IQGAP2: variants seen among roughly 807,000 people sequenced by gnomAD.
IQGAP2 encodes the protein IQ motif containing GTPase activating protein 2.
Under a neutral mutation model 201.3 loss-of-function variants are expected in IQGAP2, and 173 were observed. The observed-to-expected ratio is 0.86, with a 90% CI of 0.76 to 0.98. The LOEUF (loss-of-function observed/expected upper bound fraction) is 0.98, where lower values mean the gene tolerates loss of function less well. Among genes scored for constraint, IQGAP2 ranks in the 50% least tolerant of loss-of-function variants. IQGAP2 has a pLI of 0.00. For synonymous variants in IQGAP2, 675 were observed against 673.9 expected (o/e 1.00, Z -0.03); for missense variants, 1,687 against 1,864.8 (o/e 0.90, Z 1.76).
intron 10 of IQGAP2, 152 bp downstream of exon 10, chr5:76,597,754 C>T (rs926323759): frequency 1.4e-6 from 1 of 726,106 alleles, no homozygotes; most frequent in East Asian, 2.7e-5. Flanking sequence ...ATTCCAAGGC[C>T]TTCTTCCTTG....
chr5:76,523,986 G>A (rs771936443), intron 2 of IQGAP2, among the ~76,000 whole-genome samples: 1 of 152,034 alleles, frequency 6.6e-6, no homozygotes, highest in Non-Finnish European at 1.5e-5. Context: ...TACCAATACA[G>A]GTAAGAAATC....
At chr5:76,573,316 G>A (rs1351640343) in intron 4 of IQGAP2, among the ~76,000 whole-genome samples, 2 of 152,152 alleles carry the variant, frequency 1.3e-5, no homozygotes, top group East Asian at 1.9e-4. Flanking sequence ...ATATTGCATT[G>A]CAGGGGCAAG....
At chr5:76,576,966 T>C (rs1184467598) in intron 5 of IQGAP2, among the ~76,000 whole-genome samples, 5 of 152,272 alleles carry the variant, frequency 3.3e-5, no homozygotes, top group African/African-American at 1.2e-4. Flanking sequence ...AGGAATATTT[T>C]CAACTTGTGT....
intron 1 of IQGAP2, among the ~76,000 whole-genome samples, chr5:76,440,837 G>A (rs889362544): frequency 1.3e-5 from 2 of 152,060 alleles, no homozygotes; most frequent in Non-Finnish European, 2.9e-5. Flanking sequence ...TTTGAGACCA[G>A]CCTGACCAAC....
At chr5:76,534,869 GTTTCT>G (rs1198159321) in intron 2 of IQGAP2, among the ~76,000 whole-genome samples, 1 of 152,186 alleles carries the variant, frequency 6.6e-6, no homozygotes, top group Non-Finnish European at 1.5e-5. Context: ...ACCCTCTTGT[GTTTCT>G]TTTAAGAAAT....
intron 14 of IQGAP2, among the ~76,000 whole-genome samples, chr5:76,630,392 TA>T (rs1456747824): frequency 6.6e-6 from 1 of 152,176 alleles, no homozygotes; most frequent in Non-Finnish European, 1.5e-5. Flanking sequence ...AGACTTTGGG[TA>T]AAATAAGGAG....
At chr5:76,451,790 T>G (rs1173651552) in intron 1 of IQGAP2, among the ~76,000 whole-genome samples, 1 of 152,242 alleles carries the variant, frequency 6.6e-6, no homozygotes, top group African/African-American at 2.4e-5. Context: ...ATCTGAGCAC[T>G]TTGGGAGGCC....
intron 2 of IQGAP2, among the ~76,000 whole-genome samples, chr5:76,561,757 C>G (rs1414392649): frequency 6.6e-6 from 1 of 152,150 alleles, no homozygotes; most frequent in East Asian, 1.9e-4. Context: ...AAGGTTTAAT[C>G]TGATCTTTGT....
intron 2 of IQGAP2, among the ~76,000 whole-genome samples, chr5:76,496,777 C>CTT (rs374034578): frequency 1.4e-4 from 9 of 66,056 alleles, no homozygotes; most frequent in African/African-American, 8.7e-4. Flanking sequence ...TTCTTTCTTT[C>CTT]TTTCTTTCTT....
At chr5:76,688,402 TTA>T (rs1409109040) in intron 30 of IQGAP2, among the ~76,000 whole-genome samples, 3 of 152,224 alleles carry the variant, frequency 2.0e-5, no homozygotes, top group Non-Finnish European at 4.4e-5. Context: ...TTGTTAATCA[TTA>T]TGTTTGTAAA....
intron 17 of IQGAP2, 135 bp downstream of exon 17, chr5:76,641,238 C>G: frequency 1.6e-6 from 1 of 624,620 alleles, no homozygotes; most frequent in Non-Finnish European, 2.7e-6. Context: ...ATCAGTGCCC[C>G]TAGTCTACTT....
At chr5:76,538,981 ACT>A (rs201011616) in intron 2 of IQGAP2, among the ~76,000 whole-genome samples, 1,559 of 151,692 alleles carry the variant, frequency 0.01, 14 homozygotes, top group Non-Finnish European at 0.017. Context: ...GTGATGTGTG[ACT>A]CTCTTGGGGC....
chr5:76,643,504 A>T (rs1204809950), intron 17 of IQGAP2, among the ~76,000 whole-genome samples: 1 of 152,200 alleles, frequency 6.6e-6, no homozygotes. Context: ...CAAGTGCTTG[A>T]TAAACTTTAG....
intron 2 of IQGAP2, among the ~76,000 whole-genome samples, chr5:76,513,227 G>A (rs1758093369): frequency 6.6e-6 from 1 of 152,030 alleles, no homozygotes; most frequent in South Asian, 2.1e-4. Flanking sequence ...AAATATTTTA[G>A]GCATATTATC....
In IQGAP2 at chr5:76,673,378, G is replaced by A. The variant is rs148604054; in HGVS notation, c.3069-71G>A. The stretch of plus-strand genomic sequence containing the variant: ...ATTCACTATACAAAGCTTGACTATA[G>A]AACCAACTTGGCAGCAAAATTAATG... On this transcript the variant is annotated intron_variant, in intron 24 of 35. Coordinates refer to ENST00000274364, the MANE Select transcript of IQGAP2 (RefSeq NM_006633.5). 611 of 1,533,500 alleles carry A rather than the reference G, an allele frequency of 4.0e-4. 8 individuals are homozygous for A. In the East Asian group the frequency reaches 9.3e-3, roughly 23 times the overall value. The allele number at this position is 1,533,500 out of a possible 1,614,324, so 95.0% of individuals were successfully genotyped here.
At chr5:76,662,228 C>T (rs1306892871) in intron 21 of IQGAP2, among the ~76,000 whole-genome samples, 1 of 152,218 alleles carries the variant, frequency 6.6e-6, no homozygotes, top group Non-Finnish European at 1.5e-5. Context: ...CTCCAGCAGA[C>T]AGGTGCTGTT....
chr5:76,631,294 T>A (rs1750685038), intron 14 of IQGAP2, among the ~76,000 whole-genome samples: 1 of 152,144 alleles, frequency 6.6e-6, no homozygotes, highest in South Asian at 2.1e-4. Flanking sequence ...TGCAATGGGA[T>A]AAAATGCTTG....
intron 2 of IQGAP2, among the ~76,000 whole-genome samples, chr5:76,476,650 T>G (rs1252679501): frequency 6.6e-6 from 1 of 152,004 alleles, no homozygotes; most frequent in Non-Finnish European, 1.5e-5. Flanking sequence ...ATATGAGTTC[T>G]GGGGGGGTCA....
intron 1 of IQGAP2, among the ~76,000 whole-genome samples, chr5:76,415,192 G>A (rs1417470180): frequency 6.6e-6 from 1 of 152,164 alleles, no homozygotes; most frequent in African/African-American, 2.4e-5. Flanking sequence ...GCAAATGTGT[G>A]TTTTGGAAAA....
Sources: gnomAD v4.1 joint callset for allele counts (sites outside exome capture counted in the v4.1 genomes callset) on GRCh38, gnomAD v4.1.1 for gene constraint, MANE v1.5 for transcripts, NCBI Gene and HGNC (gene_info 2026-07-23, HGNC 2026-07-21) for gene names.